The following ADAMTSL1 variants were observed in gnomAD, a reference collection of about 807,000 sequenced individuals.
The protein encoded by ADAMTSL1 is ADAMTS-like protein 1.
ADAMTSL1 carries 126 observed loss-of-function variants against 201.8 expected under a neutral mutation model. The observed-to-expected ratio is 0.62, with a 90% CI of 0.54 to 0.72. The LOEUF is 0.72. ADAMTSL1 is among the 30% of genes least tolerant of loss of function. The pLI is 0.00. For missense variants in ADAMTSL1, 2,679 were observed against 2,277.8 expected, an observed-to-expected ratio of 1.18 and a Z score of -3.59; for synonymous variants, 1,121 against 903.4, an observed-to-expected ratio of 1.24 and a Z score of -4.32.
At chr9:18,375,195 C>T in intron 2 of ADAMTSL1, among the ~76,000 whole-genome samples, 1 of 152,212 alleles carries the variant, frequency 6.6e-6, no homozygotes, top group East Asian at 1.9e-4. Context: ...GAGAAATGAA[C>T]TATTCTGATA....
At chr9:18,459,438 C>G (rs966274767) in intron 2 of ADAMTSL1, among the ~76,000 whole-genome samples, 1 of 152,032 alleles carries the variant, frequency 6.6e-6, no homozygotes, top group African/African-American at 2.4e-5. Context: ...TGAGGCCTTA[C>G]CTCACTAGTT....
chr9:17,934,919 A>C (rs1031226571), intron 1 of ADAMTSL1, among the ~76,000 whole-genome samples: 2 of 146,088 alleles, frequency 1.4e-5, no homozygotes, highest in African/African-American at 5.1e-5. Flanking sequence ...AAAAAAAAAA[A>C]AACTTCTGTA....
intron 20 of ADAMTSL1, among the ~76,000 whole-genome samples, chr9:18,799,639 G>A (rs1822650342): frequency 6.6e-6 from 1 of 152,212 alleles, no homozygotes; most frequent in South Asian, 2.1e-4. Flanking sequence ...TAAGATGAGG[G>A]CTGAGGGATG....
At chr9:18,117,773 T>C (rs2131904912) in intron 1 of ADAMTSL1, among the ~76,000 whole-genome samples, 1 of 152,288 alleles carries the variant, frequency 6.6e-6, no homozygotes, top group East Asian at 1.9e-4. Flanking sequence ...TGACACATAA[T>C]AAATACTCAA....
At chr9:18,386,086 C>T (rs149043561) in intron 2 of ADAMTSL1, among the ~76,000 whole-genome samples, 3 of 152,242 alleles carry the variant, frequency 2.0e-5, no homozygotes, top group South Asian at 4.2e-4. Context: ...TTTTTTAAAT[C>T]AACAAAATAT....
chr9:18,035,455 A>G (rs1420502002), intron 1 of ADAMTSL1, among the ~76,000 whole-genome samples: 4 of 152,194 alleles, frequency 2.6e-5, no homozygotes, highest in Non-Finnish European at 5.9e-5. Context: ...GGGTAATAGC[A>G]TCAGTTATCC....
intron 20 of ADAMTSL1, among the ~76,000 whole-genome samples, chr9:18,807,921 A>C (rs1320999936): frequency 2.6e-5 from 4 of 152,190 alleles, no homozygotes; most frequent in Non-Finnish European, 5.9e-5. Flanking sequence ...ATGTGATTGT[A>C]ATCGTGTCCA....
At chr9:17,959,820 G>C (rs554058331) in intron 1 of ADAMTSL1, among the ~76,000 whole-genome samples, 5 of 152,062 alleles carry the variant, frequency 3.3e-5, no homozygotes, top group African/African-American at 9.7e-5. Context: ...TTGTGTCCTA[G>C]AGTGTGACTT....
At chr9:17,984,032 G>A (rs900393800) in intron 1 of ADAMTSL1, among the ~76,000 whole-genome samples, 4 of 152,088 alleles carry the variant, frequency 2.6e-5, no homozygotes, top group South Asian at 4.1e-4. Context: ...TAGATTTAAG[G>A]AATGTAAGAC....
chr9:18,663,363 A>C (rs1488032820), intron 9 of ADAMTSL1, among the ~76,000 whole-genome samples: 1 of 152,164 alleles, frequency 6.6e-6, no homozygotes, highest in Non-Finnish European at 1.5e-5. Context: ...GCATCATATT[A>C]CATCAGAAAA....
intron 2 of ADAMTSL1, among the ~76,000 whole-genome samples, chr9:18,365,015 C>T (rs1836706297): frequency 1.3e-5 from 2 of 152,102 alleles, no homozygotes; most frequent in Non-Finnish European, 2.9e-5. Context: ...TGAGTGGGGA[C>T]ACAGAACCAA....
rs182080511 is a variant in ADAMTSL1 at position 18,674,060 on chromosome 9, A to G, written c.1086-1797A>G. ...CTGTCAGAAGGTAGAAAAAAATGGG[A>G]TGGTTCACTCAAAAAAACAGAAAAG... On this transcript the variant is annotated intron_variant, in intron 9 of 28. Transcript: ENST00000380548. 4.3e-3 allele frequency among the ~76,000 whole-genome samples: 469 copies of G among 108,344 alleles called. 1 individual carries two copies. Among genetic ancestry groups the G allele is most frequent in the Admixed American group, 0.011 (125 of 11,688 alleles). The allele number at this position is 108,344 out of a possible 152,430, so 71.1% of individuals were successfully genotyped here. A position where few individuals can be genotyped will look rare whatever the true frequency, so the allele number is the denominator to read the frequency against.
intron 4 of ADAMTSL1, among the ~76,000 whole-genome samples, chr9:18,607,907 T>G (rs2132583180): frequency 6.6e-6 from 1 of 152,316 alleles, no homozygotes; most frequent in South Asian, 2.1e-4. Context: ...GGACATGAAC[T>G]CATCATTTTT....
chr9:18,813,999 T>C (rs984805612), intron 20 of ADAMTSL1, among the ~76,000 whole-genome samples: 4 of 152,224 alleles, frequency 2.6e-5, no homozygotes, highest in Admixed American at 1.3e-4. Context: ...TAATTTGTTA[T>C]GAGTTTTTAT....
intron 1 of ADAMTSL1, among the ~76,000 whole-genome samples, chr9:18,476,950 G>C (rs979246871): frequency 1.4e-4 from 22 of 152,030 alleles, no homozygotes; most frequent in Non-Finnish European, 3.1e-4. Context: ...TGAGAGGATG[G>C]GTGTTGAATC....
intron 4 of ADAMTSL1, among the ~76,000 whole-genome samples, chr9:18,605,077 C>T (rs1182615406): frequency 1.3e-5 from 2 of 152,154 alleles, no homozygotes; most frequent in Non-Finnish European, 2.9e-5. Context: ...AAATGTTCGG[C>T]CATGGAACTC....
chr9:18,886,166 GTATA>G (rs751978972), intron 23 of ADAMTSL1, among the ~76,000 whole-genome samples: 1,212 of 37,036 alleles, frequency 0.033, 30 homozygotes, highest in Non-Finnish European at 0.042. Flanking sequence ...GTGTGTATGT[GTATA>G]TATATATATA....
At chr9:17,972,753 G>T (rs866297569) in intron 1 of ADAMTSL1, among the ~76,000 whole-genome samples, 135 of 148,156 alleles carry the variant, frequency 9.1e-4, no homozygotes, top group Non-Finnish European at 1.3e-3. Context: ...ACTTCCACAA[G>T]GGTTGAACTA....
At chr9:18,783,429 G>T (rs1563798108) in intron 19 of ADAMTSL1, among the ~76,000 whole-genome samples, 1 of 152,242 alleles carries the variant, frequency 6.6e-6, no homozygotes, top group South Asian at 2.1e-4. Flanking sequence ...CCATAATTTG[G>T]AGTTAAACAA....
Sources: allele counts gnomAD v4.1 joint callset (sites outside exome capture counted in the v4.1 genomes callset), GRCh38; gene constraint gnomAD v4.1.1; transcripts MANE v1.5; gene names NCBI Gene and HGNC (gene_info 2026-07-23, HGNC 2026-07-21).